The following FAM53B variants were observed in gnomAD, a reference collection of about 807,000 sequenced individuals.
FAM53B encodes protein FAM53B.
In FAM53B, 12 loss-of-function variants were observed where a neutral mutation model predicts 32.7. The observed-to-expected ratio is 0.37, with a 90% CI of 0.24 to 0.59. The LOEUF (loss-of-function observed/expected upper bound fraction) is 0.59, where lower values mean the gene tolerates loss of function less well. FAM53B is among the 20% of genes least tolerant of loss of function. FAM53B has a pLI of 0.72. For missense variants in FAM53B, 477 were observed against 577.7 expected, an observed-to-expected ratio of 0.83 and a Z score of 1.79; for synonymous variants, 234 against 228.7, an observed-to-expected ratio of 1.02 and a Z score of -0.21.
At chr10:124,706,505 C>T (rs113814505) in intron 2 of FAM53B, 131 bp downstream of exon 2, 23 of 1,084,408 alleles carry the variant, frequency 2.1e-5, no homozygotes, top group African/African-American at 1.2e-4. Context: ...CAGCCCGGGA[C>T]GCCTCACAGA....
At position 124,682,116 on chromosome 10, in the gene FAM53B, A is replaced by G; in HGVS notation, c.397T>C (p.Leu133=). The change falls in exon 4 of 5, where the codon TTG becomes CTG. Residue 133 remains leucine (L), a synonymous_variant. Coordinates refer to ENST00000337318, the MANE Select transcript of FAM53B (RefSeq NM_014661.4). The surrounding 1 kb of genome is among the most constrained non-coding windows in gnomAD (Gnocchi z 5.2). ...ACGGGAGTCCAGACTTTGGAGCCCA[A>G]GGGCCTCCATGATGTCCGGCAACTG... ...MSSCRTSWRP[L]GSKVWTPVEK... 6.2e-7 allele frequency: 1 copy of G among 1,613,752 alleles called. No individual in the cohort carries two copies. The highest frequency in any genetic ancestry group is 8.5e-7 in the Non-Finnish European group (1 of 1,179,898).
At position 124,621,735 on chromosome 10, in the gene FAM53B, G is replaced by A. The variant is rs771587066; in HGVS notation, c.*1507C>T. The A allele has an allele frequency of 6.6e-6, 1 of 152,228 alleles. No homozygotes were observed. Among genetic ancestry groups the A allele is most frequent in the Non-Finnish European group, 1.5e-5 (1 of 68,044 alleles). 9.4% of individuals were successfully genotyped at this position (152,228 alleles called of 1,614,324 possible). On this transcript the variant is annotated 3_prime_UTR_variant, in exon 5 of 5. Transcript: ENST00000337318. ...GCATCTGGACTCAACCTGCAGAAGC[G>A]AGGCGTTCACTCGTCCATGAAGACG...
intron 4 of FAM53B, among the ~76,000 whole-genome samples, chr10:124,680,149 C>T (rs1455876375): frequency 6.6e-6 from 1 of 152,180 alleles, no homozygotes; most frequent in Non-Finnish European, 1.5e-5. Flanking sequence ...AAGTCAAAAA[C>T]GTTCCACTAC....
intron 2 of FAM53B, among the ~76,000 whole-genome samples, chr10:124,703,189 C>T (rs890263056): frequency 1.2e-4 from 18 of 152,124 alleles, no homozygotes; most frequent in Non-Finnish European, 1.8e-4. Context: ...GGACTACAGG[C>T]GCCCGCCTGC....
intron 1 of FAM53B, among the ~76,000 whole-genome samples, chr10:124,731,623 C>T (rs949372290): frequency 6.6e-6 from 1 of 150,776 alleles, no homozygotes; most frequent in Non-Finnish European, 1.5e-5. Flanking sequence ...TCTACTAGTT[C>T]CTGTTCCAGA....
At chr10:124,664,452 C>T (rs551553367) in intron 4 of FAM53B, among the ~76,000 whole-genome samples, 30 of 152,352 alleles carry the variant, frequency 2.0e-4, no homozygotes, top group African/African-American at 6.5e-4. Context: ...GCCGGGAAGG[C>T]AGAGACCTGG....
rs1949525696 is a variant in FAM53B at position 124,647,554 on chromosome 10, A to G, written c.907-23950T>C. Among the ~76,000 whole-genome samples the G allele has an allele frequency of 1.3e-5, 2 of 152,194 alleles. 1 individual carries two copies. The highest frequency in any genetic ancestry group is 4.1e-4 in the South Asian group (2 of 4,826). On this transcript the variant is annotated intron_variant, in intron 4 of 4. Coordinates refer to ENST00000337318, the MANE Select transcript of FAM53B (RefSeq NM_014661.4). ...CCATTAGCAGGACTGTCCTCAGAAC[A>G]AGTGTGAGCAGAGATGCATGTCACC... is the stretch of plus-strand genomic sequence containing the variant.
rs1275308091 is a variant in FAM53B, at chr10:124,733,432, C to G, written c.-175+10581G>C. On this transcript the variant is annotated intron_variant, in intron 1 of 4. Coordinates refer to ENST00000337318, the MANE Select transcript of FAM53B (RefSeq NM_014661.4). This position sits in a 1 kb window ranked among gnomAD's most constrained non-coding sequence, Gnocchi z 4.3. ...CAGCTTCCCCCTGCCTTTGAGAACA[C>G]TAGTGAGAACAGGCTATGACAGAGC... 6.6e-6 allele frequency among the ~76,000 whole-genome samples: 1 copy of G among 152,158 alleles called. No homozygotes were observed. The highest frequency in any genetic ancestry group is 1.5e-5 in the Non-Finnish European group (1 of 68,018).
intron 1 of FAM53B, among the ~76,000 whole-genome samples, chr10:124,718,152 CTA>C (rs1162653762): frequency 6.6e-6 from 1 of 152,014 alleles, no homozygotes; most frequent in African/African-American, 2.4e-5. Context: ...CGGTCTAAGA[CTA>C]TATCACACTG....
At chr10:124,657,108 ATGTG>A (rs372575483) in intron 4 of FAM53B, among the ~76,000 whole-genome samples, 1 of 137,118 alleles carries the variant, frequency 7.3e-6, no homozygotes, top group African/African-American at 2.6e-5. Context: ...GTGTATATAT[ATGTG>A]TGTGTGTATA....
At chr10:124,630,942 G>A (rs1232811024) in intron 4 of FAM53B, among the ~76,000 whole-genome samples, 2 of 152,232 alleles carry the variant, frequency 1.3e-5, no homozygotes, top group Admixed American at 6.5e-5. Context: ...CAGGGCAGGC[G>A]CCATTTTTCC....
At chr10:124,719,808 T>C (rs181148695) in intron 1 of FAM53B, among the ~76,000 whole-genome samples, 3 of 152,312 alleles carry the variant, frequency 2.0e-5, no homozygotes, top group East Asian at 3.9e-4. Flanking sequence ...AAAGGGGTTC[T>C]TCCCCAGTGT....
chr10:124,637,448 G>A (rs929879471), intron 4 of FAM53B, among the ~76,000 whole-genome samples: 1 of 152,168 alleles, frequency 6.6e-6, no homozygotes, highest in Non-Finnish European at 1.5e-5. Context: ...CAAAGCCACT[G>A]CACCGAGACT....
At chr10:124,639,370 T>C (rs570366849) in intron 4 of FAM53B, among the ~76,000 whole-genome samples, 1 of 152,202 alleles carries the variant, frequency 6.6e-6, no homozygotes, top group African/African-American at 2.4e-5. Flanking sequence ...GCAGTGGGCA[T>C]GCAGCCCGGG....
At chr10:124,725,805 G>A (rs376135180) in intron 1 of FAM53B, among the ~76,000 whole-genome samples, 2 of 152,164 alleles carry the variant, frequency 1.3e-5, no homozygotes, top group East Asian at 1.9e-4. Flanking sequence ...ATGGCTGAAC[G>A]GAAAACAAAA....
At chr10:124,647,499 C>T (rs1047389430) in intron 4 of FAM53B, among the ~76,000 whole-genome samples, 1 of 152,232 alleles carries the variant, frequency 6.6e-6, no homozygotes, top group Admixed American at 6.5e-5. Flanking sequence ...GGAAAGCTGT[C>T]GCCAAGACCC....
At position 124,744,026 on chromosome 10, in the gene FAM53B, G is replaced by C. The variant is rs1466047027; in HGVS notation, c.-188C>G. ...CGGGTCGCTTACTGTGCGCGGCGGGGCGCTCCGGGCGCGGACCCCGCGCCG... is the reference window on the plus strand; with the variant it reads ...CGGGTCGCTTACTGTGCGCGGCGGGCCGCTCCGGGCGCGGACCCCGCGCCG... On this transcript the variant is annotated 5_prime_UTR_variant, in exon 1 of 5. Coordinates refer to ENST00000337318, the MANE Select transcript of FAM53B (RefSeq NM_014661.4). 17 of 147,402 alleles carry C rather than the reference G, an allele frequency of 1.2e-4. No homozygotes were observed. The highest frequency in any genetic ancestry group is 1.1e-3 in the Admixed American group (17 of 14,862). 9.1% of individuals were successfully genotyped at this position (147,402 alleles called of 1,614,324 possible).
intron 1 of FAM53B, among the ~76,000 whole-genome samples, chr10:124,720,975 G>A (rs868143171): frequency 1.4e-4 from 21 of 152,262 alleles, no homozygotes; most frequent in South Asian, 4.1e-4. Context: ...CAAGACGGGC[G>A]GATGGCTTGA....
At chr10:124,724,300 T>C (rs1950089026) in intron 1 of FAM53B, among the ~76,000 whole-genome samples, 1 of 151,498 alleles carries the variant, frequency 6.6e-6, no homozygotes, top group South Asian at 2.1e-4. Context: ...GGGCTGGGAG[T>C]GGAGGGCCCC....
Sources: gnomAD v4.1 joint callset for allele counts (sites outside exome capture counted in the v4.1 genomes callset) on GRCh38, gnomAD v4.1.1 for gene constraint, Gnocchi (gnomAD v3.1) non-coding constraint, MANE v1.5 for transcripts, NCBI Gene and HGNC (gene_info 2026-07-23, HGNC 2026-07-21) for gene names.